Variants in NXPH1 observed in about 807,000 individuals in gnomAD.
NXPH1 encodes the protein neurexophilin-1.
Under a neutral mutation model 23.7 loss-of-function variants are expected in NXPH1, and 5 were observed. The observed-to-expected ratio is 0.21, with a 90% CI of 0.11 to 0.44. The LOEUF (loss-of-function observed/expected upper bound fraction) is 0.44, where lower values mean the gene tolerates loss of function less well. Ranked by LOEUF, NXPH1 falls within the 20% of genes least tolerant of loss-of-function variation. The pLI, the probability that NXPH1 is intolerant of heterozygous loss-of-function variation, is 0.99. For missense variants in NXPH1, 324 were observed against 321.6 expected (o/e 1.01, Z -0.06); for synonymous variants, 144 against 122.2 (o/e 1.18, Z -1.18).
chr7:8,470,429 C>T (rs1157754077), intron 2 of NXPH1, among the ~76,000 whole-genome samples: 1 of 152,102 alleles, frequency 6.6e-6, no homozygotes, highest in Non-Finnish European at 1.5e-5. Context: ...AAACATTTTG[C>T]TTTGTTCAAG....
chr7:8,637,580 A>C (rs574745412), intron 2 of NXPH1, among the ~76,000 whole-genome samples: 1 of 152,222 alleles, frequency 6.6e-6, no homozygotes, highest in Admixed American at 6.5e-5. Context: ...GTCCCTGATT[A>C]ACCTGCTTTT....
At chr7:8,454,733 A>G (rs17332138) in intron 2 of NXPH1, among the ~76,000 whole-genome samples, 20,462 of 151,792 alleles carry the variant, frequency 0.13, 1,847 homozygotes, top group South Asian at 0.23. Context: ...GAATAAGTCA[A>G]CTTTTCCAGC....
At chr7:8,746,744 A>G (rs1182868501) in intron 2 of NXPH1, among the ~76,000 whole-genome samples, 4 of 152,196 alleles carry the variant, frequency 2.6e-5, no homozygotes, top group Non-Finnish European at 5.9e-5. Flanking sequence ...AAAATACAAT[A>G]TTGACTATAA....
intron 2 of NXPH1, among the ~76,000 whole-genome samples, chr7:8,516,475 G>A (rs1307831061): frequency 6.6e-6 from 1 of 152,116 alleles, no homozygotes; most frequent in Non-Finnish European, 1.5e-5. Context: ...TGCTGATTAG[G>A]AATTAAATTG....
intron 2 of NXPH1, among the ~76,000 whole-genome samples, chr7:8,535,959 A>C (rs1348830401): frequency 1.3e-5 from 2 of 151,822 alleles, no homozygotes; most frequent in Non-Finnish European, 2.9e-5. Context: ...TGCCTAGGTG[A>C]TTGTGGTAAC....
At chr7:8,609,802 G>A (rs935745003) in intron 2 of NXPH1, among the ~76,000 whole-genome samples, 3 of 152,114 alleles carry the variant, frequency 2.0e-5, no homozygotes, top group African/African-American at 4.8e-5. Context: ...AACAGAGACT[G>A]CAGTTCCCTT....
At chr7:8,548,548 T>C (rs1471088344) in intron 2 of NXPH1, among the ~76,000 whole-genome samples, 3 of 151,496 alleles carry the variant, frequency 2.0e-5, no homozygotes, top group East Asian at 1.9e-4. Flanking sequence ...ATTCAGACTT[T>C]TGGGTAGTTT....
chr7:8,660,894 T>G (rs1461305652), intron 2 of NXPH1, among the ~76,000 whole-genome samples: 1 of 152,160 alleles, frequency 6.6e-6, no homozygotes, highest in Non-Finnish European at 1.5e-5. Context: ...AATGGTTAAT[T>G]TCACAAATGA....
chr7:8,496,199 G>A (rs374909826), intron 2 of NXPH1, among the ~76,000 whole-genome samples: 25 of 151,942 alleles, frequency 1.6e-4, no homozygotes, highest in African/African-American at 5.5e-4. Context: ...ATTTCATGTC[G>A]GGCCTTTCTT....
chr7:8,556,151 G>A (rs2128620203), intron 2 of NXPH1, among the ~76,000 whole-genome samples: 1 of 151,686 alleles, frequency 6.6e-6, no homozygotes, highest in East Asian at 2.0e-4. Context: ...CCAAAAATAA[G>A]TATCTTTATA....
chr7:8,665,648 G>T (rs1042059494), intron 2 of NXPH1, among the ~76,000 whole-genome samples: 8 of 151,962 alleles, frequency 5.3e-5, no homozygotes, highest in African/African-American at 1.9e-4. Flanking sequence ...TCACATTCAT[G>T]AACATGGGAT....
At chr7:8,526,765 G>A (rs940044835) in intron 2 of NXPH1, among the ~76,000 whole-genome samples, 1 of 152,132 alleles carries the variant, frequency 6.6e-6, no homozygotes, top group African/African-American at 2.4e-5. Flanking sequence ...CCATGATTCT[G>A]AGGCCTCCCC....
rs533136296 is a variant in NXPH1, at chr7:8,662,851, C to T, written c.55-88157C>T. Among the ~76,000 whole-genome samples, 9 of 152,114 alleles carry T rather than the reference C, an allele frequency of 5.9e-5. No individual in the cohort carries two copies. In the East Asian group the frequency reaches 7.7e-4, roughly 13 times the overall value. On this transcript the variant is annotated intron_variant, in intron 2 of 2. Transcript: ENST00000405863. ...TGTTTCTTAAATATATTTTAAAATA[C>T]GTGTCATTATTCAATGCTTGGAAGA...
chr7:8,479,726 G>A (rs1817041725), intron 2 of NXPH1, among the ~76,000 whole-genome samples: 1 of 152,086 alleles, frequency 6.6e-6, no homozygotes, highest in Non-Finnish European at 1.5e-5. Flanking sequence ...GAAGCTATCA[G>A]AAACTCCTGT....
intron 2 of NXPH1, among the ~76,000 whole-genome samples, chr7:8,459,932 T>G (rs1204607212): frequency 6.6e-6 from 1 of 152,218 alleles, no homozygotes; most frequent in Non-Finnish European, 1.5e-5. Flanking sequence ...ACATGGGTGC[T>G]TAGCCAAACT....
At chr7:8,665,871 C>A (rs977801511) in intron 2 of NXPH1, among the ~76,000 whole-genome samples, 2 of 138,072 alleles carry the variant, frequency 1.4e-5, no homozygotes, top group Non-Finnish European at 3.1e-5. Context: ...TATCCTGCAA[C>A]TTTACTGAAT....
At chr7:8,709,443 A>G (rs1380627132) in intron 2 of NXPH1, among the ~76,000 whole-genome samples, 6 of 152,122 alleles carry the variant, frequency 3.9e-5, no homozygotes, top group Non-Finnish European at 7.4e-5. Context: ...TAACTTGAGC[A>G]TTGCAAACCT....
In NXPH1 at chr7:8,746,956, A is replaced by C. The variant is rs145272844; in HGVS notation, c.55-4052A>C. The stretch of plus-strand genomic sequence containing the variant: ...TTTATGCTCTTAAATCCGATTATAA[A>C]TTAATAATTTACATAAAATATTATG... On this transcript the variant is annotated intron_variant, in intron 2 of 2. Coordinates refer to ENST00000405863, the MANE Select transcript of NXPH1 (RefSeq NM_152745.3). Among the ~76,000 whole-genome samples, 1,503 of 152,174 alleles carry C rather than the reference A, an allele frequency of 9.9e-3. 6 individuals are homozygous for C. The highest frequency in any genetic ancestry group is 0.016 in the Non-Finnish European group (1,093 of 68,010).
At chr7:8,690,628 G>A (rs181650086) in intron 2 of NXPH1, among the ~76,000 whole-genome samples, 10 of 152,226 alleles carry the variant, frequency 6.6e-5, no homozygotes, top group Non-Finnish European at 1.5e-4. Context: ...AATGTCAGTA[G>A]GATTAAATGG....
Sources: gnomAD v4.1 joint callset for allele counts (sites outside exome capture counted in the v4.1 genomes callset) on GRCh38, gnomAD v4.1.1 for gene constraint, MANE v1.5 for transcripts, NCBI Gene and HGNC (gene_info 2026-07-23, HGNC 2026-07-21) for gene names.